EFCAB6: variants seen among roughly 807,000 people sequenced by gnomAD.
The protein encoded by EFCAB6 is EF-hand calcium binding domain 6, also known as EF-hand calcium-binding domain-containing protein 6.
In EFCAB6, 156 loss-of-function variants were observed where a neutral mutation model predicts 169.8. The ratio of observed to expected loss-of-function variants is 0.92; its 90% CI spans 0.81 to 1.05. The LOEUF is 1.05. Among genes scored for constraint, EFCAB6 ranks in the 50% least tolerant of loss-of-function variants. EFCAB6 has a pLI of 0.00. For synonymous variants in EFCAB6, 698 were observed against 676.4 expected (o/e 1.03, Z -0.50); for missense variants, 1,800 against 1,829.1 (o/e 0.98, Z 0.29).
intron 10 of EFCAB6, among the ~76,000 whole-genome samples, chr22:43,706,513 C>T (rs1328903691): frequency 6.6e-6 from 1 of 152,204 alleles, no homozygotes; most frequent in East Asian, 1.9e-4. Flanking sequence ...TCTTATTCTC[C>T]AATGAGTCTT....
intron 23 of EFCAB6, among the ~76,000 whole-genome samples, chr22:43,592,050 T>C (rs1005772370): frequency 1.1e-4 from 16 of 152,204 alleles, no homozygotes; most frequent in African/African-American, 3.4e-4. Flanking sequence ...ATGAAATCTT[T>C]GGTGGTAATT....
intron 5 of EFCAB6, among the ~76,000 whole-genome samples, chr22:43,761,393 G>A (rs1032151121): frequency 2.8e-4 from 43 of 151,382 alleles, no homozygotes; most frequent in Admixed American, 1.7e-3. Context: ...CTAATTTTCC[G>A]TACTGCATTC....
chr22:43,657,186 T>C (rs12628342), intron 17 of EFCAB6, among the ~76,000 whole-genome samples: 17,037 of 152,016 alleles, frequency 0.11, 1,046 homozygotes, highest in South Asian at 0.21. Flanking sequence ...TCCCAGCTAC[T>C]CAGGAAGCTG....
At chr22:43,774,062 G>A (rs534575553) in intron 3 of EFCAB6, among the ~76,000 whole-genome samples, 44 of 152,026 alleles carry the variant, frequency 2.9e-4, no homozygotes, top group Middle Eastern at 3.2e-3. Context: ...AATCCTAGAT[G>A]TATGTTAAAG....
intron 21 of EFCAB6, among the ~76,000 whole-genome samples, chr22:43,614,859 T>C (rs9614238): frequency 0.26 from 37,393 of 142,160 alleles, 5,770 homozygotes; most frequent in East Asian, 0.61. Context: ...ACAGACAGTC[T>C]GCTTTATGGA....
intron 23 of EFCAB6, among the ~76,000 whole-genome samples, chr22:43,596,585 A>G (rs1327405123): frequency 6.6e-6 from 1 of 152,138 alleles, no homozygotes; most frequent in East Asian, 1.9e-4. Flanking sequence ...AACGCTGATG[A>G]AAGAAATTGA....
chr22:43,537,627 T>C lies in EFCAB6; in HGVS notation c.3880-82A>G. The C allele has an allele frequency of 6.9e-7, 1 of 1,458,110 alleles. No homozygotes were observed. Among genetic ancestry groups the C allele is most frequent in the Non-Finnish European group, 9.1e-7 (1 of 1,094,944 alleles). The allele number at this position is 1,458,110 out of a possible 1,614,324, so 90.3% of individuals were successfully genotyped here. On this transcript the variant is annotated intron_variant, in intron 28 of 31. Transcript: ENST00000262726. This position sits in a 1 kb window ranked among gnomAD's most constrained non-coding sequence, Gnocchi z 4.3. ...CAAAAATACCTCAATACCTCCAGTT[T>C]TGAGGTTCACAATTTTAGAGGCAGA...
intron 17 of EFCAB6, among the ~76,000 whole-genome samples, chr22:43,655,479 G>C (rs1444462105): frequency 7.1e-6 from 1 of 141,032 alleles, no homozygotes; most frequent in East Asian, 2.1e-4. Flanking sequence ...TAAGCTAATA[G>C]ACAGGAAAAT....
At chr22:43,534,409 C>T (rs1031547853) in intron 30 of EFCAB6, among the ~76,000 whole-genome samples, 1 of 152,168 alleles carries the variant, frequency 6.6e-6, no homozygotes, top group African/African-American at 2.4e-5. Context: ...ATTACCCAGT[C>T]TCAGGTAGTA....
Position 43,615,878 on chromosome 22 carries a change from G to C in EFCAB6, c.2510C>G (p.Ala837Gly), listed in dbSNP as rs775944151. Residue 837 changes from alanine (A) to glycine (G), a missense_variant, in exon 21 of 32, where the codon GCT becomes GGT. Physicochemically the swap from Ala to Gly is moderately conservative, Grantham distance 60 (BLOSUM62 0). Transcript: ENST00000262726. ...TGCTTTGGTAACAAGATACTGATGA[G>C]CCTGCTCACAAGCTAGTTCTGAATC... ...VADSELACEQ[A>G]HQYLVTKAKN... 1.5e-5 allele frequency: 25 copies of C among 1,613,614 alleles called. No individual in the cohort carries two copies. Among genetic ancestry groups the C allele is most frequent in the Non-Finnish European group, 1.9e-5 (23 of 1,179,930 alleles).
At chr22:43,565,184 C>T (rs911763974) in intron 26 of EFCAB6, among the ~76,000 whole-genome samples, 18 of 152,220 alleles carry the variant, frequency 1.2e-4, no homozygotes, top group Non-Finnish European at 2.5e-4. Flanking sequence ...TGCACCTACA[C>T]CATTGCCTTA....
chr22:43,633,760 G>A lies in EFCAB6; in HGVS notation c.2098+1342C>T, dbSNP rs560305679. 2.2e-4 allele frequency among the ~76,000 whole-genome samples: 34 copies of A among 152,274 alleles called. No homozygotes were observed. In the South Asian group the frequency reaches 6.6e-3, roughly 30 times the overall value. On this transcript the variant is annotated intron_variant, in intron 18 of 31. Coordinates refer to ENST00000262726, the MANE Select transcript of EFCAB6 (RefSeq NM_022785.4). ...ATGGATGGGGGACAGGGCGCCCCAA[G>A]CTCGTGGGCATCCTCTGCCCCTCTT...
chr22:43,549,830 T>C (rs938419248), intron 27 of EFCAB6, among the ~76,000 whole-genome samples: 1 of 152,230 alleles, frequency 6.6e-6, no homozygotes, highest in African/African-American at 2.4e-5. Context: ...GTTTGGCATA[T>C]ACCAGGAATT....
At chr22:43,723,870 G>T (rs532711221) in intron 8 of EFCAB6, among the ~76,000 whole-genome samples, 28 of 152,348 alleles carry the variant, frequency 1.8e-4, no homozygotes, top group South Asian at 1.5e-3. Context: ...ATGGCCCTGG[G>T]CAGCAAGCCC....
Position 43,656,898 on chromosome 22 carries a change from A to C in EFCAB6, c.1983+10206T>G, listed in dbSNP as rs115869763. Among the ~76,000 whole-genome samples, 1,294 of 152,332 alleles carry C rather than the reference A, an allele frequency of 8.5e-3. 25 individuals carry two copies. Among genetic ancestry groups the C allele is most frequent in the African/African-American group, 0.03 (1,228 of 41,556 alleles). ...ATCGCCTAACGATGCGTTTCTCAGA[A>C]TGTGTCCCTGTCATTAAGCCGCATA... is the stretch of plus-strand genomic sequence containing the variant. On this transcript the variant is annotated intron_variant, in intron 17 of 31. Coordinates refer to ENST00000262726, the MANE Select transcript of EFCAB6 (RefSeq NM_022785.4).
rs886372825 is a variant in EFCAB6 at position 43,610,499 on chromosome 22, G to C, written c.2563-1899C>G. ...ATACTATTACATATCCACTAGAGTG[G>C]AAAAAACTAGGAAGTCTGATGGTAC... On this transcript the variant is annotated intron_variant, in intron 21 of 31. Transcript: ENST00000262726. Among the ~76,000 whole-genome samples the C allele has an allele frequency of 2.6e-5, 4 of 152,140 alleles. No individual in the cohort carries two copies. The East Asian group carries it at 5.8e-4, about 22-fold the overall frequency.
In EFCAB6 at chr22:43,528,811, G is replaced by T. The variant is rs186780512; in HGVS notation, c.*42C>A. 62 of 1,546,476 alleles carry T rather than the reference G, an allele frequency of 4.0e-5. No homozygotes were observed. The East Asian group carries it at 1.2e-3, about 31-fold the overall frequency. ...ATAGGATTTTATTAGCCTTGAAACA[G>T]GCCCTGTGGCTGTCGTCCCGCTGGG... is the stretch of plus-strand genomic sequence containing the variant. On this transcript the variant is annotated 3_prime_UTR_variant, in exon 32 of 32. Transcript: ENST00000262726.
intron 23 of EFCAB6, among the ~76,000 whole-genome samples, chr22:43,593,054 T>C (rs577755586): frequency 2.1e-5 from 3 of 145,192 alleles, no homozygotes; most frequent in South Asian, 4.4e-4. Flanking sequence ...AGTGTCAGTA[T>C]AGAGGAGGAG....
chr22:43,580,651 A>G lies in EFCAB6; in HGVS notation c.3041T>C (p.Val1014Ala), dbSNP rs2050662603. Residue 1014 changes from valine (V) to alanine (A), a missense_variant, in exon 25 of 32, where the codon GTC becomes GCC. By Grantham distance (64) the Val-to-Ala change is moderately conservative. Coordinates refer to ENST00000262726, the MANE Select transcript of EFCAB6 (RefSeq NM_022785.4). Reference protein sequence around the residue: ...ELTHLLNSWGVSRHDNAINYL... With the variant: ...ELTHLLNSWGASRHDNAINYL... ...ATTGATAGCATTATCATGCCGGCTG[A>G]CTCCCCAACTTGTCCCAAAAGGAAG... 1 of 1,612,458 alleles carries G rather than the reference A, an allele frequency of 6.2e-7. No homozygotes were observed. The highest frequency in any genetic ancestry group is 1.3e-5 in the African/African-American group (1 of 74,562).
Sources: gnomAD v4.1 joint callset for allele counts (sites outside exome capture counted in the v4.1 genomes callset) on GRCh38, gnomAD v4.1.1 for gene constraint, Gnocchi (gnomAD v3.1) non-coding constraint, MANE v1.5 for transcripts, NCBI Gene and HGNC (gene_info 2026-07-23, HGNC 2026-07-21) for gene names.